The following CYP11B2 variants were observed in gnomAD, a reference collection of about 807,000 sequenced individuals.
CYP11B2 encodes cytochrome P450 family 11 subfamily B member 2.
CYP11B2 carries 38 observed loss-of-function variants against 49.3 expected under a neutral mutation model. The observed-to-expected ratio is 0.77, with a 90% CI of 0.59 to 1.01. The LOEUF (loss-of-function observed/expected upper bound fraction) is 1.01. Among genes scored for constraint, CYP11B2 ranks in the 50% least tolerant of loss-of-function variants. The pLI is 0.00. For missense variants in CYP11B2, 669 were observed against 655.5 expected (o/e 1.02, Z -0.23); for synonymous variants, 290 against 269.3 (o/e 1.08, Z -0.75).
At position 142,916,771 on chromosome 8, in the gene CYP11B2, C is replaced by T. The variant is rs149875249; in HGVS notation, c.395+288G>A. 3.5e-4 allele frequency among the ~76,000 whole-genome samples: 53 copies of T among 152,288 alleles called. 1 individual carries two copies. The highest frequency in any genetic ancestry group is 1.3e-3 in the African/African-American group (52 of 41,554). On this transcript the variant is annotated intron_variant, in intron 2 of 8. Transcript: ENST00000323110. ...TCCCCAGACCGCAAGAGAAAGCAGC[C>T]GCCGAGGTTGGTGCAGAGCGGGTTC...
At chr8:142,913,682 C>T (rs549554388) in intron 5 of CYP11B2, among the ~76,000 whole-genome samples, 38 of 152,254 alleles carry the variant, frequency 2.5e-4, no homozygotes, top group Non-Finnish European at 5.0e-4. Flanking sequence ...CCTGCAGCCT[C>T]TTCAGGGCGG....
At position 142,914,350 on chromosome 8, in the gene CYP11B2, C is replaced by T. The variant is rs777858218; in HGVS notation, c.868G>A (p.Val290Met). 51 of 1,613,432 alleles carry T rather than the reference C, an allele frequency of 3.2e-5. No homozygotes were observed. The highest frequency in any genetic ancestry group is 5.0e-5 in the Admixed American group (3 of 60,008). ...FNRPQHYTGI[V>M]AELLLKAELS... ...TCCGCCTTCAACAGGAGCTCCGCCA[C>T]GATGCCTGTGTAGTGTTGAGGGCGG... The change falls in exon 5 of 9, where the codon GTG (valine) becomes ATG (methionine). Residue 290 changes from valine to methionine, a missense_variant. Val to Met is a conservative substitution (Grantham distance 21). Coordinates refer to ENST00000323110, the MANE Select transcript of CYP11B2 (RefSeq NM_000498.3).
chr8:142,915,019 G>T, intron 3 of CYP11B2, 27 bp downstream of exon 3: 1 of 1,613,252 alleles, frequency 6.2e-7, no homozygotes, highest in Non-Finnish European at 8.5e-7. Context: ...GGGTCTCTGG[G>T]GCTGGACCTT....
chr8:142,917,108 A>G lies in CYP11B2; in HGVS notation c.346T>C (p.Trp116Arg), dbSNP rs1817660949. 1 of 1,614,170 alleles carries G rather than the reference A, an allele frequency of 6.2e-7. No individual in the cohort carries two copies. The highest frequency in any genetic ancestry group is 8.5e-7 in the Non-Finnish European group (1 of 1,180,018). ...LHPCRMILEP[W>R]VAYRQHRGHK... ...CCACGATGTTGTCTGTAGGCCACCC[A>G]GGGCTCCAGGATCATCCTGCAGGGA... Residue 116 changes from tryptophan to arginine, a missense_variant, in exon 2 of 9, where the codon TGG becomes CGG. Physicochemically the swap from Trp to Arg is moderately radical, Grantham distance 101 (BLOSUM62 -3). Coordinates refer to ENST00000323110, the MANE Select transcript of CYP11B2 (RefSeq NM_000498.3).
intron 5 of CYP11B2, 51 bp downstream of exon 5, chr8:142,914,213 G>T: frequency 6.2e-7 from 1 of 1,609,618 alleles, no homozygotes. Flanking sequence ...CAGTGCCTGG[G>T]AGGCAGGCTT....
chr8:142,912,436 C>T (rs1314374704), intron 8 of CYP11B2, 94 bp downstream of exon 8: 2 of 1,363,550 alleles, frequency 1.5e-6, no homozygotes, highest in African/African-American at 1.4e-5. Flanking sequence ...ATCCACTGTT[C>T]CCAGGTGTCA....
chr8:142,914,689 G>A lies in CYP11B2; in HGVS notation c.799+16C>T, dbSNP rs532824916. 1.1e-5 allele frequency: 18 copies of A among 1,582,538 alleles called. No homozygotes were observed. In the Middle Eastern group the frequency reaches 5.4e-4, roughly 48 times the overall value. On this transcript the variant is annotated intron_variant, in intron 4 of 8. Transcript: ENST00000323110. ...GTGTCCCTTCCCCATAGCACTGCCCGGGTCCCTGGCCTCACCGTACTGGAA... is the reference window on the plus strand; with the variant it reads ...GTGTCCCTTCCCCATAGCACTGCCCAGGTCCCTGGCCTCACCGTACTGGAA...
rs751360145 is a variant in CYP11B2, at chr8:142,917,166, A to G, written c.288T>C (p.Asp96=). Residue 96 remains aspartate, a synonymous_variant, in exon 2 of 9, where the codon GAT becomes GAC. Coordinates refer to ENST00000323110, the MANE Select transcript of CYP11B2 (RefSeq NM_000498.3). ...TGTCCACCTGTTGCAGCTTCTCCAC[A>G]TCCTCCGGCAGCATCACACACACCA... is the stretch of plus-strand genomic sequence containing the variant. ...PRMVCVMLPE[D]VEKLQQVDSL... is the part of the protein sequence containing the mutation. 153 of 1,613,942 alleles carry G rather than the reference A, an allele frequency of 9.5e-5. 3 individuals carry two copies. In the South Asian group the frequency reaches 1.5e-3, roughly 16 times the overall value.
intron 8 of CYP11B2, 51 bp downstream of exon 8, chr8:142,912,479 A>C: frequency 6.4e-7 from 1 of 1,569,692 alleles, no homozygotes; most frequent in Non-Finnish European, 8.7e-7. Flanking sequence ...CCCAGTGTGC[A>C]GGTCCCGCCT....
intron 8 of CYP11B2, among the ~76,000 whole-genome samples, 181 bp downstream of exon 8, chr8:142,912,349 G>A (rs6431): frequency 0.69 from 104,537 of 151,758 alleles, 37,554 homozygotes; most frequent in African/African-American, 0.89. Context: ...TTTAGAAGCA[G>A]CCTCACCCAG....
intron 5 of CYP11B2, chr8:142,913,958 C>A (rs777791124): frequency 1.1e-4 from 59 of 544,786 alleles, no homozygotes; most frequent in Non-Finnish European, 1.8e-4. Context: ...TCCTTGTACA[C>A]CCAGAGCTTT....
In CYP11B2 at chr8:142,911,998, A is replaced by G. The variant is rs1243615080; in HGVS notation, c.1494T>C (p.Thr498=). The part of the protein sequence containing the change: ...ILRPGTSPLL[T]FRAIN The stretch of plus-strand genomic sequence containing the variant: ...TGCAAGACTAGTTAATCGCTCTGAA[A>G]GTGAGGAGGGGGGACGTGCCAGGCC... The change falls in exon 9 of 9, where the codon ACT becomes ACC. Residue 498 remains threonine, a synonymous_variant. Coordinates refer to ENST00000323110, the MANE Select transcript of CYP11B2 (RefSeq NM_000498.3). 4.3e-6 allele frequency: 7 copies of G among 1,613,998 alleles called. No individual in the cohort carries two copies. The highest frequency in any genetic ancestry group is 5.9e-6 in the Non-Finnish European group (7 of 1,179,946).
Position 142,914,775 on chromosome 8 carries a change from G to C in CYP11B2, c.729C>G (p.Ser243Arg), listed in dbSNP as rs1311691186. ...STVQLMFMPR[S>R]LSRWISPKVW... ...CCTTGGGGCTGATCCAGCGAGACAGGCTCCTGGGCATGAACATGAGCTGGA... is the reference window on the plus strand; with the variant it reads ...CCTTGGGGCTGATCCAGCGAGACAGCCTCCTGGGCATGAACATGAGCTGGA... The change falls in exon 4 of 9, where the codon AGC becomes AGG. Residue 243 changes from serine (S) to arginine (R), a missense_variant. Transcript: ENST00000323110. The C allele has an allele frequency of 6.2e-7, 1 of 1,613,670 alleles. No individual in the cohort carries two copies. Among genetic ancestry groups the C allele is most frequent in the Non-Finnish European group, 8.5e-7 (1 of 1,179,966 alleles).
chr8:142,915,805 C>T (rs1421275804), intron 2 of CYP11B2, among the ~76,000 whole-genome samples: 2 of 151,442 alleles, frequency 1.3e-5, no homozygotes, highest in Non-Finnish European at 3.0e-5. Context: ...AGCCAGAGTG[C>T]GTGGGGGCTC....
Position 142,912,725 on chromosome 8 carries a change from T to C in CYP11B2, c.1203A>G (p.Thr401=), listed in dbSNP as rs1477801661. The change falls in exon 8 of 9, where the codon ACA becomes ACG. Residue 401 remains threonine, a splice_region_variant and synonymous_variant. Transcript: ENST00000323110. ...GCGAGTAGAGGAAAACCTGTACCAA[T>C]GTCTGCGGACGGTGCAGAGCAGGGA... ...VLQNYHIPAG[T]LVQVFLYSLG... The C allele has an allele frequency of 6.2e-7, 1 of 1,613,832 alleles. No homozygotes were observed. Among genetic ancestry groups the C allele is most frequent in the Admixed American group, 1.7e-5 (1 of 60,028 alleles).
chr8:142,917,570 G>A, intron 1 of CYP11B2, 32 bp downstream of exon 1: 2 of 1,613,854 alleles, frequency 1.2e-6, no homozygotes, highest in Non-Finnish European at 1.7e-6. Context: ...AGGGATCTGG[G>A]TGTTCCCAGC....
At chr8:142,913,161 G>T (rs1817572102) in intron 6 of CYP11B2, 124 bp downstream of exon 6, 2 of 1,095,152 alleles carry the variant, frequency 1.8e-6, no homozygotes, top group South Asian at 2.8e-5. Flanking sequence ...GGAAGAGCAG[G>T]TGCAGGGGAA....
In CYP11B2 at chr8:142,911,683, C is replaced by A; in HGVS notation, c.*297G>T. 3.1e-6 allele frequency: 1 copy of A among 318,986 alleles called. No homozygotes were observed. The highest frequency in any genetic ancestry group is 2.9e-5 in the South Asian group (1 of 34,716). 19.8% of individuals were successfully genotyped at this position (318,986 alleles called of 1,614,324 possible). On this transcript the variant is annotated 3_prime_UTR_variant, in exon 9 of 9. Coordinates refer to ENST00000323110, the MANE Select transcript of CYP11B2 (RefSeq NM_000498.3). ...CCTCATGAGGAGCCTGGAGCCAGCG[C>A]TGGGAGTAGAGTCAAGCTGTCCAGA...
At chr8:142,916,028 C>T (rs796371316) in intron 2 of CYP11B2, among the ~76,000 whole-genome samples, 13 of 152,298 alleles carry the variant, frequency 8.5e-5, no homozygotes, top group African/African-American at 2.9e-4. Context: ...CCCATGCCGG[C>T]ACCTGCACAT....
Sources: allele counts gnomAD v4.1 joint callset (sites outside exome capture counted in the v4.1 genomes callset), GRCh38; gene constraint gnomAD v4.1.1; transcripts MANE v1.5; gene names NCBI Gene and HGNC (gene_info 2026-07-23, HGNC 2026-07-21).